CELF2: variants seen among roughly 807,000 people sequenced by gnomAD.
CELF2 encodes CUG triplet repeat RNA-binding protein 2.
CELF2 carries 8 observed loss-of-function variants against 62.6 expected under a neutral mutation model. The observed-to-expected ratio is 0.13, with a 90% confidence interval of 0.07 to 0.23. The LOEUF is 0.23. Ranked by LOEUF, CELF2 falls within the 10% of genes least tolerant of loss-of-function variation. CELF2 has a pLI of 1.00. For missense variants in CELF2, 333 were observed against 671.0 expected, an observed-to-expected ratio of 0.50 and a Z score of 5.56; for synonymous variants, 258 against 250.0, an observed-to-expected ratio of 1.03 and a Z score of -0.30.
chr10:11,067,737 G>A (rs1564598876), intron 1 of CELF2, among the ~76,000 whole-genome samples: 1 of 152,224 alleles, frequency 6.6e-6, no homozygotes, highest in East Asian at 1.9e-4. Flanking sequence ...AGTGGTTGAA[G>A]TTGAAAGAAC....
chr10:11,191,263 G>A lies in CELF2; in HGVS notation c.271+25581G>A, dbSNP rs1368429627. Among the ~76,000 whole-genome samples the A allele has an allele frequency of 1.3e-5, 2 of 152,136 alleles. No individual in the cohort carries two copies. Among genetic ancestry groups the A allele is most frequent in the African/African-American group, 2.4e-5 (1 of 41,410 alleles). On this transcript the variant is annotated intron_variant, in intron 2 of 12. Transcript: ENST00000633077. The surrounding 1 kb of genome is among the most constrained non-coding windows in gnomAD (Gnocchi z 4.1). Reference sequence around the variant, plus strand: ...ACTTAGATGGTTCTCTCTAGCTATGGGGCTTGGAGAGTAAATGGGCAGGAG... The same window carrying A: ...ACTTAGATGGTTCTCTCTAGCTATGAGGCTTGGAGAGTAAATGGGCAGGAG...
chr10:10,886,779 T>G (rs1272070177), intron 1 of CELF2, among the ~76,000 whole-genome samples: 2 of 152,202 alleles, frequency 1.3e-5, no homozygotes, highest in Admixed American at 1.3e-4. Flanking sequence ...AAGGCGGCAG[T>G]GAGCTGTGAT....
At chr10:11,189,322 T>C (rs1360497937) in intron 2 of CELF2, among the ~76,000 whole-genome samples, 9 of 152,254 alleles carry the variant, frequency 5.9e-5, no homozygotes, top group South Asian at 4.1e-4. Context: ...TCTTCACATA[T>C]ATGTATCTTT....
chr10:10,754,879 C>G, the CELF2 span, among the ~76,000 whole-genome samples: 2 of 152,342 alleles, frequency 1.3e-5, no homozygotes, highest in South Asian at 4.1e-4. Flanking sequence ...AATTCCTCAG[C>G]AGCAAGCCAT....
chr10:10,723,246 G>A, the CELF2 span, among the ~76,000 whole-genome samples: 1 of 152,200 alleles, frequency 6.6e-6, no homozygotes, highest in South Asian at 2.1e-4. Flanking sequence ...TGCGCTGTGA[G>A]TATAAAGAAT....
intron 1 of CELF2, among the ~76,000 whole-genome samples, chr10:11,106,318 C>G (rs2053484147): frequency 6.6e-6 from 1 of 151,826 alleles, no homozygotes; most frequent in African/African-American, 2.4e-5. Flanking sequence ...TTCACTGCAG[C>G]CTCCGCCTCC....
At chr10:11,105,423 C>A (rs1045248687) in intron 1 of CELF2, 2 of 152,192 alleles carry the variant, frequency 1.3e-5, no homozygotes, top group Non-Finnish European at 2.9e-5. Flanking sequence ...AATCATAGAA[C>A]AGATCCTGAA....
intron 2 of CELF2, among the ~76,000 whole-genome samples, chr10:11,204,557 G>C (rs543830693): frequency 6.6e-6 from 1 of 152,340 alleles, no homozygotes; most frequent in South Asian, 2.1e-4. Flanking sequence ...GGGGCCGGTG[G>C]GGGGACCCAG....
chr10:10,927,750 C>T (rs2065673748), intron 2 of CELF2, among the ~76,000 whole-genome samples: 1 of 152,100 alleles, frequency 6.6e-6, no homozygotes, highest in South Asian at 2.1e-4. Flanking sequence ...TTCACTTTGT[C>T]TACTTTCTCT....
the CELF2 span, among the ~76,000 whole-genome samples, chr10:10,783,801 T>C: frequency 1.3e-5 from 2 of 152,040 alleles, no homozygotes; most frequent in Non-Finnish European, 2.9e-5. Flanking sequence ...CCTGGCAACA[T>C]GGTGAAACCT....
chr10:11,033,607 T>C (rs2060493047), intron 1 of CELF2, among the ~76,000 whole-genome samples: 2 of 152,228 alleles, frequency 1.3e-5, no homozygotes, highest in South Asian at 4.1e-4. Flanking sequence ...ACTAACTGCC[T>C]GGGCTTTTGA....
intron 1 of CELF2, among the ~76,000 whole-genome samples, chr10:10,881,694 G>A (rs2061445749): frequency 1.3e-5 from 2 of 152,186 alleles, no homozygotes; most frequent in African/African-American, 4.8e-5. Context: ...GTGTACAGGT[G>A]TGTCTTATAC....
At chr10:10,510,611 G>A in the CELF2 span, among the ~76,000 whole-genome samples, 1 of 152,072 alleles carries the variant, frequency 6.6e-6, no homozygotes, top group African/African-American at 2.4e-5. Flanking sequence ...CTTGTCACTG[G>A]GGTGCTGGCA....
At chr10:10,963,591 G>A (rs2049792585) in intron 2 of CELF2, among the ~76,000 whole-genome samples, 1 of 152,174 alleles carries the variant, frequency 6.6e-6, no homozygotes, top group African/African-American at 2.4e-5. Context: ...ACCTGACAGT[G>A]TGAAGTCTTT....
chr10:10,562,965 G>A, the CELF2 span, among the ~76,000 whole-genome samples: 43 of 152,094 alleles, frequency 2.8e-4, no homozygotes, highest in African/African-American at 1.0e-3. Flanking sequence ...TAAAGGGACA[G>A]AATACGAAGA....
chr10:11,054,489 T>TGTGTGTG (rs1554804023), intron 1 of CELF2, among the ~76,000 whole-genome samples: 11 of 149,578 alleles, frequency 7.4e-5, no homozygotes, highest in African/African-American at 1.7e-4. Flanking sequence ...GTATGTGTGT[T>TGTGTGTG]TGTGTGTGTG....
chr10:10,769,013 T>C, the CELF2 span, among the ~76,000 whole-genome samples: 2 of 152,220 alleles, frequency 1.3e-5, no homozygotes, highest in East Asian at 3.8e-4. Context: ...AATTGTAAAA[T>C]AAGCAAAGAG....
At chr10:10,506,697 T>TTTTTTTC in the CELF2 span, among the ~76,000 whole-genome samples, 2 of 140,294 alleles carry the variant, frequency 1.4e-5, no homozygotes, top group Non-Finnish European at 3.1e-5. Context: ...TTTTTTTTTT[T>TTTTTTTC]TGAGATGGAG....
chr10:10,864,470 A>T (rs1168084194), intron 1 of CELF2, among the ~76,000 whole-genome samples: 2 of 152,180 alleles, frequency 1.3e-5, no homozygotes, highest in Non-Finnish European at 2.9e-5. Flanking sequence ...CTTAAACAGC[A>T]GACAATTATC....
Sources: gnomAD v4.1 joint callset for allele counts (sites outside exome capture counted in the v4.1 genomes callset) on GRCh38, gnomAD v4.1.1 for gene constraint, Gnocchi (gnomAD v3.1) non-coding constraint, MANE v1.5 for transcripts, NCBI Gene and HGNC (gene_info 2026-07-23, HGNC 2026-07-21) for gene names.